Variants in DLG2 observed in about 807,000 individuals in gnomAD.
DLG2 encodes the protein disks large homolog 2.
In DLG2, 45 loss-of-function variants were observed where a neutral mutation model predicts 132.5. The ratio of observed to expected loss-of-function variants is 0.34; its 90% confidence interval spans 0.27 to 0.44. The LOEUF (loss-of-function observed/expected upper bound fraction) is 0.44. Ranked by LOEUF, DLG2 falls within the 20% of genes least tolerant of loss-of-function variation. The probability of loss-of-function intolerance (pLI) is 1.00; values close to 1 mark genes in which losing one functional copy is unlikely to be tolerated. For synonymous variants in DLG2, 424 were observed against 419.6 expected (o/e 1.01, Z -0.13); for missense variants, 1,045 against 1,196.9 (o/e 0.87, Z 1.87).
intron 6 of DLG2, among the ~76,000 whole-genome samples, chr11:85,040,097 G>A (rs1367027772): frequency 2.0e-5 from 3 of 151,784 alleles, no homozygotes; most frequent in Middle Eastern, 3.2e-3. Context: ...TGCACTTTCC[G>A]AGACAGTTCC....
chr11:85,359,333 T>C (rs1379695319), intron 3 of DLG2, among the ~76,000 whole-genome samples: 1 of 152,198 alleles, frequency 6.6e-6, no homozygotes, highest in Non-Finnish European at 1.5e-5. Flanking sequence ...TAAGCCTACC[T>C]TTCAACCAGC....
At chr11:85,245,441 A>C (rs2076086055) in intron 4 of DLG2, among the ~76,000 whole-genome samples, 1 of 151,932 alleles carries the variant, frequency 6.6e-6, no homozygotes, top group Non-Finnish European at 1.5e-5. Flanking sequence ...GGTATTAGGA[A>C]ATATTTTGAC....
chr11:85,456,985 GTTAA>G (rs779768720), intron 3 of DLG2, among the ~76,000 whole-genome samples: 2 of 152,146 alleles, frequency 1.3e-5, no homozygotes, highest in Non-Finnish European at 2.9e-5. Context: ...CTGAATATCT[GTTAA>G]TTGTTTGCCT....
chr11:85,596,610 GT>G (rs1280947426), intron 3 of DLG2, among the ~76,000 whole-genome samples: 2 of 152,060 alleles, frequency 1.3e-5, no homozygotes, highest in Non-Finnish European at 2.9e-5. Context: ...AGAATAATGG[GT>G]GAAACCACTA....
At chr11:83,668,355 T>C (rs2076096763) in intron 18 of DLG2, among the ~76,000 whole-genome samples, 1 of 152,210 alleles carries the variant, frequency 6.6e-6, no homozygotes, top group Non-Finnish European at 1.5e-5. Flanking sequence ...TTTTATAGCT[T>C]AAGAACAAAA....
At chr11:85,127,118 G>T (rs1421776136) in intron 5 of DLG2, among the ~76,000 whole-genome samples, 1 of 152,058 alleles carries the variant, frequency 6.6e-6, no homozygotes, top group Admixed American at 6.6e-5. Flanking sequence ...CATGATATTT[G>T]TGACAGGGTG....
rs186023243 is a variant in DLG2, at chr11:85,034,212, G to A, written c.357+77449C>T. On this transcript the variant is annotated intron_variant, in intron 6 of 27. Transcript: ENST00000376104. ...CCTGCCTCAGCCTCCCGAGTAGCTG[G>A]GACCACAGGCGCCTGCCACCATGCC... is the stretch of plus-strand genomic sequence containing the variant. Among the ~76,000 whole-genome samples the A allele has an allele frequency of 1.8e-4, 27 of 151,968 alleles. No individual in the cohort carries two copies. In the East Asian group the frequency reaches 4.5e-3, roughly 25 times the overall value.
At chr11:83,871,674 G>A (rs2063477019) in intron 16 of DLG2, among the ~76,000 whole-genome samples, 1 of 118,130 alleles carries the variant, frequency 8.5e-6, no homozygotes, top group South Asian at 2.7e-4. Context: ...AGCTGGGCAT[G>A]TATAGCACAA....
intron 6 of DLG2, among the ~76,000 whole-genome samples, chr11:85,083,504 C>CAA (rs2067508824): frequency 6.6e-6 from 1 of 152,120 alleles, no homozygotes; most frequent in African/African-American, 2.4e-5. Context: ...AGAACATGTG[C>CAA]CCAAGGTGGT....
In DLG2 at chr11:85,330,644, G is replaced by A. The variant is rs1189814538; in HGVS notation, c.41-45279C>T. On this transcript the variant is annotated intron_variant, in intron 3 of 27. Transcript: ENST00000376104. ...GACTGTGGTGGGGTCGGGGGAGGGG[G>A]GAGGGATAGCATTGGGAGATATACC... 4.1e-5 allele frequency among the ~76,000 whole-genome samples: 4 copies of A among 97,452 alleles called. No homozygotes were observed. In the East Asian group the frequency reaches 1.2e-3, roughly 29 times the overall value. The allele number at this position is 97,452 out of a possible 152,430, so 63.9% of individuals were successfully genotyped here. A position where few individuals can be genotyped will look rare whatever the true frequency, so the allele number is the denominator to read the frequency against.
intron 6 of DLG2, among the ~76,000 whole-genome samples, chr11:84,656,625 G>C (rs2099688628): frequency 6.6e-6 from 1 of 152,118 alleles, no homozygotes; most frequent in Admixed American, 6.6e-5. Context: ...AATTGTGAAA[G>C]AGTATAGTTG....
chr11:84,694,440 A>G (rs1053526818), intron 6 of DLG2, among the ~76,000 whole-genome samples: 1 of 151,650 alleles, frequency 6.6e-6, no homozygotes, highest in Admixed American at 6.6e-5. Flanking sequence ...TTTCCTAAGC[A>G]TTTCCACCTT....
intron 8 of DLG2, among the ~76,000 whole-genome samples, chr11:84,172,546 T>C (rs1267229542): frequency 9.6e-6 from 1 of 104,402 alleles, no homozygotes; most frequent in East Asian, 3.2e-4. Context: ...TATTTATTTA[T>C]TTATTTATTT....
intron 6 of DLG2, among the ~76,000 whole-genome samples, chr11:84,676,699 A>G (rs2099712004): frequency 1.3e-5 from 2 of 152,118 alleles, no homozygotes; most frequent in African/African-American, 2.4e-5. Flanking sequence ...AGGCATAAAC[A>G]ACAGAAGTGG....
intron 19 of DLG2, among the ~76,000 whole-genome samples, chr11:83,620,485 G>A (rs1370814357): frequency 1.3e-5 from 2 of 151,996 alleles, no homozygotes; most frequent in African/African-American, 4.8e-5. Context: ...AGATGGGTCT[G>A]GGCTTATTAT....
chr11:85,028,147 T>C (rs1187624670), intron 6 of DLG2, among the ~76,000 whole-genome samples: 1 of 152,170 alleles, frequency 6.6e-6, no homozygotes, highest in Non-Finnish European at 1.5e-5. Flanking sequence ...GGGTGGCTCC[T>C]TTCTGCAGGC....
chr11:84,569,544 A>G (rs770981048), intron 6 of DLG2, among the ~76,000 whole-genome samples: 1 of 152,156 alleles, frequency 6.6e-6, no homozygotes, highest in East Asian at 1.9e-4. Flanking sequence ...AAAATAATAA[A>G]AAAGAACCAG....
At chr11:84,799,041 C>T (rs1298471336) in intron 6 of DLG2, among the ~76,000 whole-genome samples, 1 of 152,192 alleles carries the variant, frequency 6.6e-6, no homozygotes, top group Non-Finnish European at 1.5e-5. Flanking sequence ...GAGGATGGCA[C>T]AAGTACTCCC....
At chr11:84,803,928 A>T (rs762978971) in intron 6 of DLG2, among the ~76,000 whole-genome samples, 22 of 152,210 alleles carry the variant, frequency 1.4e-4, no homozygotes, top group Non-Finnish European at 2.6e-4. Context: ...AGCCTGATAG[A>T]TAACTAAATG....
Sources: gnomAD v4.1 joint callset for allele counts (sites outside exome capture counted in the v4.1 genomes callset) on GRCh38, gnomAD v4.1.1 for gene constraint, MANE v1.5 for transcripts, NCBI Gene and HGNC (gene_info 2026-07-23, HGNC 2026-07-21) for gene names.